The following RABGAP1L variants were observed in gnomAD, a reference collection of about 807,000 sequenced individuals.
RABGAP1L encodes the protein RAB GTPase activating protein 1 like.
A neutral mutation model predicts 137.7 loss-of-function variants in RABGAP1L; 63 were observed. That is an observed-to-expected ratio of 0.46 (90% CI 0.37 to 0.56). RABGAP1L has a LOEUF of 0.56. Among genes scored for constraint, RABGAP1L ranks in the 20% least tolerant of loss-of-function variants. The pLI is 0.00. For missense variants in RABGAP1L, 1,095 were observed against 1,244.0 expected (o/e 0.88, Z 1.80); for synonymous variants, 431 against 433.7 (o/e 0.99, Z 0.08).
chr1:174,383,436 A>G, intron 12 of RABGAP1L, among the ~76,000 whole-genome samples: 1 of 151,888 alleles, frequency 6.6e-6, no homozygotes, highest in Non-Finnish European at 1.5e-5. Context: ...GCTAGCAATC[A>G]GCGAGATTCC....
intron 13 of RABGAP1L, among the ~76,000 whole-genome samples, chr1:174,492,177 T>C (rs1464990429): frequency 3.7e-5 from 3 of 81,440 alleles, no homozygotes; most frequent in East Asian, 7.0e-4. Flanking sequence ...GTCGAATTAC[T>C]TTTTTTTTTT....
chr1:174,554,703 C>A (rs1460188842), intron 13 of RABGAP1L, among the ~76,000 whole-genome samples: 2 of 152,166 alleles, frequency 1.3e-5, no homozygotes, highest in Non-Finnish European at 1.5e-5. Flanking sequence ...TTAACATTTT[C>A]TGTCTAAATT....
At chr1:174,597,527 ATCT>A (rs1670051638) in intron 13 of RABGAP1L, among the ~76,000 whole-genome samples, 1 of 151,538 alleles carries the variant, frequency 6.6e-6, no homozygotes, top group Non-Finnish European at 1.5e-5. Flanking sequence ...GCTTCTAATG[ATCT>A]TTGAATTTCT....
chr1:174,519,204 A>G (rs1298072508), intron 13 of RABGAP1L, among the ~76,000 whole-genome samples: 2 of 148,202 alleles, frequency 1.3e-5, no homozygotes, highest in Non-Finnish European at 3.0e-5. Flanking sequence ...ATATACACAC[A>G]CATACATATA....
chr1:174,817,776 T>TCATC (rs2148876234), intron 19 of RABGAP1L, among the ~76,000 whole-genome samples: 1 of 152,358 alleles, frequency 6.6e-6, no homozygotes, highest in Admixed American at 6.5e-5. Flanking sequence ...GCTGTTGCAG[T>TCATC]CATCTAGGTG....
chr1:174,910,095 C>T (rs1312268922), intron 19 of RABGAP1L, among the ~76,000 whole-genome samples: 3 of 152,012 alleles, frequency 2.0e-5, no homozygotes, highest in Non-Finnish European at 2.9e-5. Context: ...GCTGAGATTT[C>T]GCGACTGCAC....
chr1:174,701,098 G>A (rs1357431411), intron 16 of RABGAP1L: 1 of 1,303,982 alleles, frequency 7.7e-7, no homozygotes, highest in Non-Finnish European at 1.0e-6. Context: ...TCTTTTTGTG[G>A]TCTATTTAGG....
At chr1:174,579,090 C>G (rs1572387031) in intron 13 of RABGAP1L, among the ~76,000 whole-genome samples, 1 of 152,184 alleles carries the variant, frequency 6.6e-6, no homozygotes, top group East Asian at 1.9e-4. Context: ...TCAGATTTAG[C>G]AAACATTATG....
At chr1:174,318,153 T>G (rs1284610801) in intron 11 of RABGAP1L, among the ~76,000 whole-genome samples, 2 of 152,174 alleles carry the variant, frequency 1.3e-5, no homozygotes, top group Non-Finnish European at 2.9e-5. Context: ...TTTCTTTTTC[T>G]GTGTAGATAG....
intron 19 of RABGAP1L, among the ~76,000 whole-genome samples, chr1:174,882,925 AAAC>A (rs1654481475): frequency 6.6e-6 from 1 of 151,996 alleles, no homozygotes; most frequent in Admixed American, 6.6e-5. Flanking sequence ...TCCCAGGTTC[AAAC>A]AATTCTGCCT....
intron 13 of RABGAP1L, among the ~76,000 whole-genome samples, chr1:174,472,757 A>G (rs772522948): frequency 2.0e-5 from 3 of 152,192 alleles, no homozygotes; most frequent in Non-Finnish European, 2.9e-5. Context: ...CCCAAATTTC[A>G]GACTCTCAGA....
At chr1:174,328,423 A>G (rs1190165705) in intron 11 of RABGAP1L, among the ~76,000 whole-genome samples, 1 of 152,182 alleles carries the variant, frequency 6.6e-6, no homozygotes, top group East Asian at 1.9e-4. Context: ...TAGAAATTAA[A>G]CAATATACTC....
intron 4 of RABGAP1L, among the ~76,000 whole-genome samples, chr1:174,240,406 C>T (rs116425681): frequency 0.06 from 9,197 of 152,218 alleles, 972 homozygotes; most frequent in African/African-American, 0.21. Context: ...ACCGCCATGC[C>T]TGGCTGATTT....
intron 13 of RABGAP1L, among the ~76,000 whole-genome samples, chr1:174,580,121 T>C (rs994648672): frequency 6.8e-6 from 1 of 147,638 alleles, no homozygotes; most frequent in Non-Finnish European, 1.5e-5. Context: ...AGCAGCAAAA[T>C]ATAAAACATA....
intron 19 of RABGAP1L, among the ~76,000 whole-genome samples, chr1:174,841,258 G>A (rs1286365318): frequency 6.6e-6 from 1 of 151,930 alleles, no homozygotes; most frequent in Non-Finnish European, 1.5e-5. Flanking sequence ...AATTTCAAAA[G>A]GCAAAGTAAA....
At chr1:174,427,146 G>A (rs994784344) in intron 13 of RABGAP1L, among the ~76,000 whole-genome samples, 10 of 19,830 alleles carry the variant, frequency 5.0e-4, no homozygotes, top group Non-Finnish European at 1.1e-3. Context: ...GCATGTTTAT[G>A]TGTGTGTGTG....
rs987815654 is a variant in RABGAP1L, at chr1:174,529,696, G to A, written c.1711-107679G>A. Among the ~76,000 whole-genome samples the A allele has an allele frequency of 7.9e-5, 12 of 152,288 alleles. No individual in the cohort carries two copies. The East Asian group carries it at 1.5e-3, about 20-fold the overall frequency. Reference sequence around the variant, plus strand: ...AGGTTCTTAGGCCTCTGGGCAGCTAGTGTGGCATGGGCAATGACAGTGACA... The same window carrying A: ...AGGTTCTTAGGCCTCTGGGCAGCTAATGTGGCATGGGCAATGACAGTGACA... On this transcript the variant is annotated intron_variant, in intron 13 of 25. Coordinates refer to ENST00000681986, the MANE Select transcript of RABGAP1L (RefSeq NM_001366446.1).
intron 19 of RABGAP1L, among the ~76,000 whole-genome samples, chr1:174,939,970 T>C (rs1665581955): frequency 1.3e-5 from 2 of 152,236 alleles, no homozygotes; most frequent in South Asian, 4.1e-4. Context: ...AGGCATCTAC[T>C]AAGTATTCAG....
intron 21 of RABGAP1L, among the ~76,000 whole-genome samples, chr1:174,970,536 T>C (rs1201989813): frequency 1.3e-5 from 2 of 152,192 alleles, no homozygotes; most frequent in Admixed American, 6.5e-5. Context: ...CGTTAAAAGG[T>C]TTAAGCAATA....
Sources: allele counts gnomAD v4.1 joint callset (sites outside exome capture counted in the v4.1 genomes callset), GRCh38; gene constraint gnomAD v4.1.1; transcripts MANE v1.5; gene names NCBI Gene and HGNC (gene_info 2026-07-23, HGNC 2026-07-21).